Variants in NUDT3 observed in about 807,000 individuals in gnomAD.
NUDT3 encodes nudix hydrolase 3, also known as diphosphoinositol polyphosphate phosphohydrolase 1.
Under a neutral mutation model 23.6 loss-of-function variants are expected in NUDT3, and 9 were observed. The observed-to-expected ratio is 0.38, with a 90% CI of 0.23 to 0.66. NUDT3 has a LOEUF of 0.66. Ranked by LOEUF, NUDT3 falls within the 30% of genes least tolerant of loss-of-function variation. NUDT3 has a pLI of 0.52. For synonymous variants in NUDT3, 86 were observed against 82.6 expected (o/e 1.04, Z -0.22); for missense variants, 172 against 218.5 (o/e 0.79, Z 1.34).
At chr6:34,364,761 C>T (rs755056937) in intron 1 of NUDT3, among the ~76,000 whole-genome samples, 36 of 152,164 alleles carry the variant, frequency 2.4e-4, no homozygotes, top group Non-Finnish European at 4.4e-4. Context: ...CAGCTGGGTG[C>T]GGTGGCTCAC....
chr6:34,295,349 C>T (rs569022543), intron 3 of NUDT3, among the ~76,000 whole-genome samples: 49 of 151,588 alleles, frequency 3.2e-4, no homozygotes, highest in Non-Finnish European at 5.9e-4. Context: ...ATGGCAAGAC[C>T]CTGTCTCTAC....
intron 1 of NUDT3, among the ~76,000 whole-genome samples, chr6:34,376,872 C>A (rs1489055929): frequency 6.6e-6 from 1 of 152,098 alleles, no homozygotes; most frequent in Non-Finnish European, 1.5e-5. Context: ...CCAGCTGACA[C>A]CCCTTATCAC....
At chr6:34,354,843 A>T (rs1031496418) in intron 1 of NUDT3, among the ~76,000 whole-genome samples, 1 of 148,430 alleles carries the variant, frequency 6.7e-6, no homozygotes. Context: ...TTGTATACTT[A>T]TATTTTATTT....
chr6:34,290,940 G>A (rs1763412844), intron 4 of NUDT3, among the ~76,000 whole-genome samples: 2 of 150,810 alleles, frequency 1.3e-5, no homozygotes, highest in Admixed American at 6.6e-5. Context: ...GATTACAGGC[G>A]CCCACAACCA....
intron 2 of NUDT3, among the ~76,000 whole-genome samples, chr6:34,303,980 C>T (rs888144981): frequency 2.6e-5 from 4 of 152,168 alleles, no homozygotes; most frequent in Admixed American, 2.6e-4. Context: ...AGGCCAGGCG[C>T]AGTGGCTCAT....
intron 1 of NUDT3, among the ~76,000 whole-genome samples, chr6:34,359,712 A>G (rs1476251782): frequency 1.3e-5 from 2 of 152,204 alleles, no homozygotes; most frequent in African/African-American, 4.8e-5. Flanking sequence ...CCTTTTAGCT[A>G]TTGTAAATAG....
intron 1 of NUDT3, among the ~76,000 whole-genome samples, chr6:34,378,142 A>C (rs1007044822): frequency 6.6e-6 from 1 of 151,000 alleles, no homozygotes; most frequent in Non-Finnish European, 1.5e-5. Flanking sequence ...TCCTACCCAA[A>C]AAAAAAAAAA....
chr6:34,375,228 G>A (rs773926252), intron 1 of NUDT3, among the ~76,000 whole-genome samples: 2 of 152,026 alleles, frequency 1.3e-5, no homozygotes, highest in Non-Finnish European at 2.9e-5. Context: ...CCTGTAATCC[G>A]AGCTACTCGG....
chr6:34,308,000 A>G (rs965045343), intron 2 of NUDT3, among the ~76,000 whole-genome samples: 8 of 151,658 alleles, frequency 5.3e-5, no homozygotes, highest in African/African-American at 9.7e-5. Flanking sequence ...ACATGCCTGT[A>G]ATCCCAGCTA....
At chr6:34,292,120 G>A (rs1321513279) in intron 4 of NUDT3, among the ~76,000 whole-genome samples, 1 of 152,086 alleles carries the variant, frequency 6.6e-6, no homozygotes, top group Non-Finnish European at 1.5e-5. Context: ...CTGAGGATAG[G>A]GCCACACCAC....
chr6:34,306,368 G>A (rs552485581), intron 2 of NUDT3, among the ~76,000 whole-genome samples: 1 of 152,322 alleles, frequency 6.6e-6, no homozygotes, highest in East Asian at 1.9e-4. Flanking sequence ...AACAAGGCCG[G>A]ATAAGTTACA....
intron 1 of NUDT3, among the ~76,000 whole-genome samples, chr6:34,354,760 CTTTATA>C (rs1318477824): frequency 7.9e-6 from 1 of 126,616 alleles, no homozygotes. Flanking sequence ...TATTTATTTA[CTTTATA>C]TTTGTATTTA....
chr6:34,332,549 G>A (rs145066444), intron 2 of NUDT3, among the ~76,000 whole-genome samples: 110 of 152,282 alleles, frequency 7.2e-4, no homozygotes, highest in South Asian at 3.1e-3. Flanking sequence ...AAATGAACCC[G>A]TGCAGTTCAA....
intron 1 of NUDT3, among the ~76,000 whole-genome samples, chr6:34,344,976 T>A (rs368030638): frequency 2.6e-5 from 4 of 152,078 alleles, no homozygotes; most frequent in Non-Finnish European, 5.9e-5. Flanking sequence ...AAATGGCTAA[T>A]GGTATGTTAC....
chr6:34,296,517 T>C (rs1763501337), intron 2 of NUDT3, among the ~76,000 whole-genome samples: 1 of 151,320 alleles, frequency 6.6e-6, no homozygotes, highest in South Asian at 2.1e-4. Flanking sequence ...GAGGCTGCAG[T>C]GAGCCGAGAT....
At chr6:34,301,201 C>T (rs1244744477) in intron 2 of NUDT3, among the ~76,000 whole-genome samples, 4 of 134,760 alleles carry the variant, frequency 3.0e-5, no homozygotes, top group Non-Finnish European at 5.1e-5. Context: ...AAGAGTTTCT[C>T]GAAGATTTAT....
At chr6:34,313,278 A>AG (rs1763803751) in intron 2 of NUDT3, among the ~76,000 whole-genome samples, 1 of 152,238 alleles carries the variant, frequency 6.6e-6, no homozygotes, top group Non-Finnish European at 1.5e-5. Flanking sequence ...TGTATATTCC[A>AG]ACTATAAGAC....
intron 2 of NUDT3, among the ~76,000 whole-genome samples, chr6:34,313,752 G>A (rs1390380585): frequency 6.6e-6 from 1 of 151,028 alleles, no homozygotes; most frequent in Non-Finnish European, 1.5e-5. Flanking sequence ...CACGAGGTCA[G>A]GAGATCGAGA....
chr6:34,376,596 C>A (rs1417525328), intron 1 of NUDT3, among the ~76,000 whole-genome samples: 1 of 152,134 alleles, frequency 6.6e-6, no homozygotes, highest in Non-Finnish European at 1.5e-5. Flanking sequence ...TTTAACATAT[C>A]ATCTGTTACC....
Sources: gnomAD v4.1 joint callset for allele counts (sites outside exome capture counted in the v4.1 genomes callset) on GRCh38, gnomAD v4.1.1 for gene constraint, MANE v1.5 for transcripts, NCBI Gene and HGNC (gene_info 2026-07-23, HGNC 2026-07-21) for gene names.